GPC5: variants seen among roughly 807,000 people sequenced by gnomAD.
The protein encoded by GPC5 is glypican 5, also known as glypican-5.
GPC5 carries 47 observed loss-of-function variants against 53.9 expected under a neutral mutation model. The observed-to-expected ratio is 0.87, with a 90% confidence interval of 0.69 to 1.11. The LOEUF (loss-of-function observed/expected upper bound fraction) is 1.11. Among genes scored for constraint, GPC5 ranks in the 50% most tolerant of loss-of-function variants. GPC5 has a pLI of 0.00. For synonymous variants in GPC5, 286 were observed against 263.3 expected (o/e 1.09, Z -0.84); for missense variants, 748 against 713.1 (o/e 1.05, Z -0.56).
chr13:92,788,997 T>G (rs1876363351), intron 7 of GPC5, among the ~76,000 whole-genome samples: 1 of 152,090 alleles, frequency 6.6e-6, no homozygotes, highest in Admixed American at 6.6e-5. Context: ...AAAGTCTCAG[T>G]GTATGGCACA....
chr13:91,824,818 A>G (rs2038550833), intron 5 of GPC5, among the ~76,000 whole-genome samples: 1 of 152,072 alleles, frequency 6.6e-6, no homozygotes, highest in Non-Finnish European at 1.5e-5. Context: ...ATTTGAATGA[A>G]ACTTTATTAA....
At chr13:91,728,401 C>A in intron 3 of GPC5, 131 bp from the exon 4 acceptor site, 1 of 655,104 alleles carries the variant, frequency 1.5e-6, no homozygotes, top group Non-Finnish European at 2.5e-6. Flanking sequence ...ATTATATATA[C>A]ATATTATATT....
chr13:91,853,643 T>C (rs563606852), intron 5 of GPC5, among the ~76,000 whole-genome samples: 2 of 152,116 alleles, frequency 1.3e-5, no homozygotes, highest in South Asian at 4.1e-4. Context: ...ATGATGAGTG[T>C]GCTTTCCAAC....
intron 6 of GPC5, among the ~76,000 whole-genome samples, chr13:92,118,288 A>G (rs781541420): frequency 1.3e-5 from 2 of 152,216 alleles, no homozygotes; most frequent in African/African-American, 2.4e-5. Flanking sequence ...CCAGCCTTGC[A>G]TTCGTGGTAT....
intron 6 of GPC5, among the ~76,000 whole-genome samples, chr13:92,060,910 G>A (rs2041117477): frequency 2.0e-5 from 3 of 152,002 alleles, no homozygotes; most frequent in Admixed American, 2.0e-4. Flanking sequence ...AATCCATCAT[G>A]TTTAGCCTGT....
chr13:91,401,697 T>TTAGTTC (rs1876968254), intron 1 of GPC5, among the ~76,000 whole-genome samples: 1 of 152,210 alleles, frequency 6.6e-6, no homozygotes, highest in African/African-American at 2.4e-5. Context: ...GTTTTTAGTT[T>TTAGTTC]CTTCCTACCT....
chr13:92,182,190 GT>G (rs1320226403), intron 7 of GPC5, among the ~76,000 whole-genome samples: 1 of 152,102 alleles, frequency 6.6e-6, no homozygotes, highest in Non-Finnish European at 1.5e-5. Context: ...TTGGAAAGAG[GT>G]TTACCTCCCT....
intron 7 of GPC5, among the ~76,000 whole-genome samples, chr13:92,475,780 C>G (rs574732490): frequency 6.6e-6 from 1 of 152,122 alleles, no homozygotes; most frequent in Non-Finnish European, 1.5e-5. Context: ...CTGAGAAACA[C>G]AAGCAATGGG....
intron 7 of GPC5, among the ~76,000 whole-genome samples, chr13:92,305,499 C>T (rs2043104986): frequency 6.6e-6 from 1 of 151,620 alleles, no homozygotes. Flanking sequence ...AAAATCTTTC[C>T]TTCACACAGA....
At chr13:91,968,500 C>A (rs373433769) in intron 6 of GPC5, among the ~76,000 whole-genome samples, 10 of 151,834 alleles carry the variant, frequency 6.6e-5, no homozygotes, top group Admixed American at 3.3e-4. Flanking sequence ...CTTGCTCTGT[C>A]GCCCAGGCTG....
chr13:92,361,605 A>T (rs2043567687), intron 7 of GPC5, among the ~76,000 whole-genome samples: 1 of 151,612 alleles, frequency 6.6e-6, no homozygotes, highest in Non-Finnish European at 1.5e-5. Flanking sequence ...AATGGGACTT[A>T]GTGGGTGGGT....
At chr13:92,786,032 T>C (rs939414660) in intron 7 of GPC5, among the ~76,000 whole-genome samples, 3 of 152,208 alleles carry the variant, frequency 2.0e-5, no homozygotes, top group Admixed American at 2.0e-4. Context: ...GGATAGTACA[T>C]GTTTTCCACT....
intron 7 of GPC5, among the ~76,000 whole-genome samples, chr13:92,717,180 AAT>A (rs758412126): frequency 6.6e-6 from 1 of 152,130 alleles, no homozygotes; most frequent in Non-Finnish European, 1.5e-5. Flanking sequence ...AAACTCTGCA[AAT>A]ACACATTTGG....
intron 5 of GPC5, among the ~76,000 whole-genome samples, chr13:91,892,532 G>T (rs2039397977): frequency 6.6e-6 from 1 of 151,464 alleles, no homozygotes; most frequent in African/African-American, 2.4e-5. Flanking sequence ...TATATTAATT[G>T]TTATTTTACT....
At chr13:91,727,323 T>C (rs1029397744) in intron 3 of GPC5, among the ~76,000 whole-genome samples, 1 of 152,158 alleles carries the variant, frequency 6.6e-6, no homozygotes, top group Non-Finnish European at 1.5e-5. Flanking sequence ...CTGATATCCT[T>C]CTTCACCCAC....
At chr13:91,432,439 TG>T (rs1352276105) in intron 1 of GPC5, among the ~76,000 whole-genome samples, 1 of 152,190 alleles carries the variant, frequency 6.6e-6, no homozygotes, top group African/African-American at 2.4e-5. Context: ...AACTTAAGTA[TG>T]TGGTTTTGTA....
intron 3 of GPC5, among the ~76,000 whole-genome samples, chr13:91,696,305 A>G (rs1200064395): frequency 6.6e-6 from 1 of 152,208 alleles, no homozygotes; most frequent in Non-Finnish European, 1.5e-5. Flanking sequence ...GTCTGATTTT[A>G]TATAATAGTC....
chr13:92,777,695 T>C (rs141479940), intron 7 of GPC5, among the ~76,000 whole-genome samples: 1 of 152,370 alleles, frequency 6.6e-6, no homozygotes, highest in Non-Finnish European at 1.5e-5. Flanking sequence ...TGTCTTCAAA[T>C]GTCCCATCCC....
At chr13:91,470,391 A>G (rs938657105) in intron 2 of GPC5, among the ~76,000 whole-genome samples, 1 of 152,098 alleles carries the variant, frequency 6.6e-6, no homozygotes, top group Non-Finnish European at 1.5e-5. Flanking sequence ...TGGGGATTAG[A>G]CTGATATCAG....
Sources: allele counts gnomAD v4.1 joint callset (sites outside exome capture counted in the v4.1 genomes callset), GRCh38; gene constraint gnomAD v4.1.1; transcripts MANE v1.5; gene names NCBI Gene and HGNC (gene_info 2026-07-23, HGNC 2026-07-21).